HSF2BP: variants seen among roughly 807,000 people sequenced by gnomAD.
The protein encoded by HSF2BP is heat shock transcription factor 2 binding protein.
HSF2BP carries 35 observed loss-of-function variants against 35.0 expected under a neutral mutation model. That is an observed-to-expected ratio of 1.00 (90% CI 0.76 to 1.32). The LOEUF (loss-of-function observed/expected upper bound fraction) is 1.32. Ranked by LOEUF, HSF2BP falls within the 40% of genes most tolerant of loss-of-function variation. HSF2BP has a pLI of 0.00. For missense variants in HSF2BP, 326 were observed against 321.7 expected (o/e 1.01, Z -0.10); for synonymous variants, 114 against 117.4 (o/e 0.97, Z 0.18).
chr21:43,645,746 C>T (rs974003065), intron 3 of HSF2BP, among the ~76,000 whole-genome samples: 1 of 152,142 alleles, frequency 6.6e-6, no homozygotes, highest in Non-Finnish European at 1.5e-5. Flanking sequence ...CAGACACTTC[C>T]TCAACTATCT....
chr21:43,586,066 G>T (rs1458681774), intron 8 of HSF2BP, among the ~76,000 whole-genome samples: 4 of 152,164 alleles, frequency 2.6e-5, no homozygotes, highest in Non-Finnish European at 5.9e-5. Context: ...CCGCCTATCT[G>T]CCCTTTTAGC....
chr21:43,627,934 G>A (rs1040510014), intron 6 of HSF2BP, among the ~76,000 whole-genome samples: 6 of 152,180 alleles, frequency 3.9e-5, no homozygotes, highest in Non-Finnish European at 8.8e-5. Context: ...TGTGATCAAT[G>A]ATCTTTGATG....
the HSF2BP span, among the ~76,000 whole-genome samples, chr21:43,495,983 G>T: frequency 2.5e-5 from 3 of 120,282 alleles, 1 homozygote; most frequent in Admixed American, 2.5e-4. Context: ...AGGCCAGCCA[G>T]CTGATTTCAC....
chr21:43,619,901 C>T (rs1386208138), intron 6 of HSF2BP, among the ~76,000 whole-genome samples: 2 of 152,316 alleles, frequency 1.3e-5, no homozygotes, highest in Non-Finnish European at 2.9e-5. Context: ...CCACAGGTCC[C>T]CTGGGCACAG....
intron 3 of HSF2BP, among the ~76,000 whole-genome samples, chr21:43,654,781 C>G (rs142858952): frequency 2.0e-5 from 3 of 152,160 alleles, no homozygotes; most frequent in African/African-American, 7.2e-5. Context: ...GGCATCAAGA[C>G]GGTAACTGAA....
rs2082239596 is a variant in HSF2BP, at chr21:43,613,907, A to T, written c.615T>A (p.Asn205Lys). The change falls in exon 7 of 9, where the codon AAT becomes AAA. Residue 205 changes from asparagine (N) to lysine (K), a missense_variant. Coordinates refer to ENST00000291560, the MANE Select transcript of HSF2BP (RefSeq NM_007031.2). ...TGGTGTCCAAGAGCACCCGGCTTGA[A>T]TTAACCAAGAATTCACGACCACATG... ...AIACGREFLVNSSRVLLDTIL... is the reference protein window; with the variant it reads ...AIACGREFLVKSSRVLLDTIL... 6.2e-7 allele frequency: 1 copy of T among 1,610,006 alleles called. No homozygotes were observed. Among genetic ancestry groups the T allele is most frequent in the African/African-American group, 1.3e-5 (1 of 74,778 alleles).
rs770855952 is a variant in HSF2BP at position 43,595,726 on chromosome 21, A to ATTTTTTTTTTTTTTTTTT, written c.693-3416_693-3399dup. 3.1e-4 allele frequency among the ~76,000 whole-genome samples: 18 copies of ATTTTTTTTTTTTTTTTTT among 58,448 alleles called. 4 individuals are homozygous for ATTTTTTTTTTTTTTTTTT. Among genetic ancestry groups the ATTTTTTTTTTTTTTTTTT allele is most frequent in the Non-Finnish European group, 3.7e-4 (12 of 32,406 alleles). The allele number at this position is 58,448 out of a possible 152,430, so 38.3% of individuals were successfully genotyped here. A position where few individuals can be genotyped will look rare whatever the true frequency, so the allele number is the denominator to read the frequency against. On this transcript the variant is annotated intron_variant, in intron 7 of 8. Coordinates refer to ENST00000291560, the MANE Select transcript of HSF2BP (RefSeq NM_007031.2). ...AGCATCTTTAAAAATTAAGAGGCTA[A>ATTTTTTTTTTTTTTTTTT]TTTTTTTTTTTTTTTTTTTTTTTTT...
At chr21:43,591,638 G>T (rs2081926661) in intron 8 of HSF2BP, among the ~76,000 whole-genome samples, 1 of 152,182 alleles carries the variant, frequency 6.6e-6, no homozygotes, top group Non-Finnish European at 1.5e-5. Context: ...AGCTACAGAA[G>T]AACAGGTATA....
chr21:43,445,473 CA>C, the HSF2BP span, among the ~76,000 whole-genome samples: 1 of 99,958 alleles, frequency 1.0e-5, no homozygotes, highest in South Asian at 3.8e-4. Context: ...AGACCCTTCC[CA>C]AGGCTGTCAC....
intron 7 of HSF2BP, among the ~76,000 whole-genome samples, chr21:43,593,348 T>G (rs2146794270): frequency 6.6e-6 from 1 of 152,248 alleles, no homozygotes; most frequent in East Asian, 1.9e-4. Context: ...CTCCCCCAGC[T>G]TCCTGGACAT....
intron 6 of HSF2BP, among the ~76,000 whole-genome samples, chr21:43,619,694 A>T (rs1229287104): frequency 6.6e-6 from 1 of 152,250 alleles, no homozygotes; most frequent in African/African-American, 2.4e-5. Context: ...GTTCCCTGGC[A>T]GAAGACCTGT....
At chr21:43,603,079 G>A (rs2082070954) in intron 7 of HSF2BP, among the ~76,000 whole-genome samples, 1 of 152,072 alleles carries the variant, frequency 6.6e-6, no homozygotes, top group Non-Finnish European at 1.5e-5. Context: ...AAAAAGGAAG[G>A]GAAACTTTAA....
chr21:43,648,482 C>T (rs1368690360), intron 3 of HSF2BP, among the ~76,000 whole-genome samples: 1 of 152,114 alleles, frequency 6.6e-6, no homozygotes, highest in African/African-American at 2.4e-5. Flanking sequence ...GCGCTCCACT[C>T]GTTAGTTCCC....
rs1601614869 is a variant in HSF2BP, at chr21:43,581,813, T to G, written c.796+10412A>C. 2.5e-5 allele frequency among the ~76,000 whole-genome samples: 2 copies of G among 79,222 alleles called. 1 individual carries two copies. Among genetic ancestry groups the G allele is most frequent in the Admixed American group, 2.9e-4 (2 of 6,922 alleles). The allele number at this position is 79,222 out of a possible 152,430, so 52.0% of individuals were successfully genotyped here. ...TCACCTTAGCCAGTGGTCAGAAGGG[T>G]CTGTGCTGCGGGAGATGAGGGCCTG... On this transcript the variant is annotated intron_variant, in intron 8 of 8. Coordinates refer to ENST00000291560, the MANE Select transcript of HSF2BP (RefSeq NM_007031.2).
intron 7 of HSF2BP, among the ~76,000 whole-genome samples, chr21:43,611,245 C>CA (rs761959316): frequency 3.6e-4 from 54 of 149,996 alleles, no homozygotes; most frequent in East Asian, 9.8e-4. Context: ...GACTCTGTCT[C>CA]AAAAAAAAAA....
At chr21:43,632,982 T>C (rs928885932) in intron 5 of HSF2BP, among the ~76,000 whole-genome samples, 3 of 152,164 alleles carry the variant, frequency 2.0e-5, no homozygotes, top group Non-Finnish European at 2.9e-5. Flanking sequence ...TGAGATAATA[T>C]ATATAAAAGC....
chr21:43,643,572 A>C (rs1378058327), intron 4 of HSF2BP, among the ~76,000 whole-genome samples: 3 of 152,148 alleles, frequency 2.0e-5, no homozygotes, highest in Non-Finnish European at 4.4e-5. Context: ...TCATGATTTG[A>C]AGCAGCCTGA....
chr21:43,604,426 C>CACCACACA (rs2082094086), intron 7 of HSF2BP, among the ~76,000 whole-genome samples: 3 of 122,928 alleles, frequency 2.4e-5, no homozygotes, highest in African/African-American at 1.1e-4. Context: ...ACCCCACACA[C>CACCACACA]CACACCACAC....
intron 4 of HSF2BP, among the ~76,000 whole-genome samples, chr21:43,635,088 A>G (rs990406054): frequency 6.6e-6 from 1 of 151,872 alleles, no homozygotes; most frequent in Admixed American, 6.6e-5. Context: ...CAAAAAAAAA[A>G]CAAACAAACC....
Sources: gnomAD v4.1 joint callset for allele counts (sites outside exome capture counted in the v4.1 genomes callset) on GRCh38, gnomAD v4.1.1 for gene constraint, MANE v1.5 for transcripts, NCBI Gene and HGNC (gene_info 2026-07-23, HGNC 2026-07-21) for gene names.